MORC4: variants seen among roughly 807,000 people sequenced by gnomAD.
MORC4 encodes the protein MORC family CW-type zinc finger 4, also known as MORC family CW-type zinc finger protein 4.
A neutral mutation model predicts 65.5 loss-of-function variants in MORC4; 22 were observed. The ratio of observed to expected loss-of-function variants is 0.34; its 90% confidence interval spans 0.24 to 0.48. The LOEUF is 0.48. Ranked by LOEUF, MORC4 falls within the 20% of genes least tolerant of loss-of-function variation. The pLI, the probability that MORC4 is intolerant of heterozygous loss-of-function variation, is 0.99. For missense variants in MORC4, 624 were observed against 703.0 expected (o/e 0.89, Z 1.27); for synonymous variants, 267 against 255.8 (o/e 1.04, Z -0.42).
intron 5 of MORC4, among the ~76,000 whole-genome samples, chrX:106,983,213 C>T (rs11092578): frequency 0.17 from 19,237 of 111,121 alleles, 1,714 homozygotes; most frequent in Non-Finnish European, 0.25. Context: ...AACTGGGAAA[C>T]GACATACAAA....
In MORC4 at chrX:106,969,192, C is replaced by G. The variant is rs753377680; in HGVS notation, c.1158-7082G>C. On this transcript the variant is annotated intron_variant, in intron 9 of 16. Coordinates refer to ENST00000355610, the MANE Select transcript of MORC4 (RefSeq NM_024657.5). ...AATCCCACTCAAAATCACACAACTA[C>G]ATGGAAACTGAACAACCTGCTCCTG... Among the ~76,000 whole-genome samples the G allele has an allele frequency of 3.6e-5, 4 of 112,211 alleles. No homozygotes were observed. The South Asian group carries it at 1.5e-3, about 42-fold the overall frequency.
At chrX:106,978,978 G>A (rs1028389119) in intron 7 of MORC4, among the ~76,000 whole-genome samples, 3 of 111,462 alleles carry the variant, frequency 2.7e-5, no homozygotes, top group Admixed American at 9.5e-5. Flanking sequence ...GAATAATGAT[G>A]AGTTTTTAAC....
At chrX:106,981,259 T>C in intron 6 of MORC4, 86 bp downstream of exon 6, 2 of 1,011,664 alleles carry the variant, frequency 2.0e-6, no homozygotes, top group East Asian at 3.1e-5. Context: ...GTTATCTTTG[T>C]ATAACTAAAA....
At chrX:106,958,983 C>T (rs1297147636) in intron 10 of MORC4, among the ~76,000 whole-genome samples, 1 of 111,719 alleles carries the variant, frequency 9.0e-6, no homozygotes, top group Non-Finnish European at 1.9e-5. Context: ...ACATCTCCCT[C>T]ATTTCCCTAC....
intron 9 of MORC4, among the ~76,000 whole-genome samples, chrX:106,968,734 A>AAGGCCATT (rs984357702): frequency 1.8e-5 from 2 of 110,202 alleles, no homozygotes; most frequent in Non-Finnish European, 3.8e-5. Context: ...AGAGACAAAG[A>AAGGCCATT]AGGCCATTAC....
intron 9 of MORC4, among the ~76,000 whole-genome samples, chrX:106,965,560 C>G (rs1196110679): frequency 1.8e-5 from 2 of 111,567 alleles, no homozygotes; most frequent in Non-Finnish European, 3.8e-5. Context: ...AAGAATGTAG[C>G]GGATGCTACC....
intron 14 of MORC4, among the ~76,000 whole-genome samples, chrX:106,950,297 A>G (rs995988752): frequency 8.9e-6 from 1 of 111,951 alleles, no homozygotes; most frequent in African/African-American, 3.2e-5. Context: ...CTCCACCAAG[A>G]TCTCCATTAT....
In MORC4 at chrX:106,993,275, T is replaced by G. The variant is rs1288839901; in HGVS notation, c.263A>C (p.Asp88Ala). Reference protein sequence around the residue: ...VKNKSCLTFTDDGCGMTPHKL... With the variant: ...VKNKSCLTFTADGCGMTPHKL... The stretch of plus-strand genomic sequence containing the variant: ...ATGAGGTGTCATCCCACATCCATCA[T>G]CGGTAAAGGTCAAACAAGATTTATT... The change falls in exon 3 of 17, where the codon GAT becomes GCT. Residue 88 changes from aspartate (D) to alanine (A), a missense_variant. Transcript: ENST00000355610. The G allele has an allele frequency of 8.3e-7, 1 of 1,208,525 alleles. No homozygotes were observed. The highest frequency in any genetic ancestry group is 3.0e-5 in the East Asian group (1 of 33,781).
intron 9 of MORC4, among the ~76,000 whole-genome samples, 183 bp downstream of exon 9, chrX:106,976,401 A>G (rs1018522775): frequency 5.4e-5 from 6 of 112,028 alleles, no homozygotes; most frequent in African/African-American, 1.9e-4. Flanking sequence ...GAGACTCCAT[A>G]TATCATTCAG....
intron 9 of MORC4, among the ~76,000 whole-genome samples, chrX:106,965,365 AT>A (rs1008531739): frequency 8.9e-5 from 10 of 112,178 alleles, no homozygotes; most frequent in Non-Finnish European, 1.9e-4. Flanking sequence ...AGGAATTTAA[AT>A]GTTTCACTAT....
chrX:106,999,662 G>A lies in MORC4; in HGVS notation c.175+15C>T, dbSNP rs1301875160. 8.9e-7 allele frequency: 1 copy of A among 1,120,575 alleles called. No individual in the cohort carries two copies. Among genetic ancestry groups the A allele is most frequent in the Non-Finnish European group, 1.2e-6 (1 of 849,985 alleles). 92.3% of individuals were successfully genotyped at this position (1,120,575 alleles called of 1,213,427 possible). On this transcript the variant is annotated intron_variant, in intron 2 of 16. Coordinates refer to ENST00000355610, the MANE Select transcript of MORC4 (RefSeq NM_024657.5). ...GCCTCGGGCGAACACGGCCGGGCCCGCCCTCGCCACTCACCTAGCAGCTCC... is the reference window on the plus strand; with the variant it reads ...GCCTCGGGCGAACACGGCCGGGCCCACCCTCGCCACTCACCTAGCAGCTCC...
chrX:106,991,688 A>T (rs1454081924), intron 3 of MORC4, among the ~76,000 whole-genome samples: 1 of 111,927 alleles, frequency 8.9e-6, no homozygotes. Context: ...AGATCACTTG[A>T]GGTCAGGAGT....
At chrX:106,944,499 T>C (rs1438473140) in intron 14 of MORC4, among the ~76,000 whole-genome samples, 2 of 111,604 alleles carry the variant, frequency 1.8e-5, no homozygotes, top group African/African-American at 6.5e-5. Context: ...TTCTCTTCGT[T>C]TTCCCACCTC....
intron 5 of MORC4, among the ~76,000 whole-genome samples, chrX:106,983,947 C>T: frequency 9.0e-6 from 1 of 110,859 alleles, no homozygotes; most frequent in East Asian, 2.8e-4. Flanking sequence ...TTTTTTTTCT[C>T]ATACTTCATT....
At chrX:106,996,579 T>C (rs1055160006) in intron 2 of MORC4, among the ~76,000 whole-genome samples, 5 of 111,528 alleles carry the variant, frequency 4.5e-5, no homozygotes, top group African/African-American at 1.3e-4. Context: ...GCAAGTGCTA[T>C]TGGATCCCAG....
At chrX:106,991,763 G>C (rs1306991894) in intron 3 of MORC4, among the ~76,000 whole-genome samples, 1 of 110,924 alleles carries the variant, frequency 9.0e-6, no homozygotes, top group Non-Finnish European at 1.9e-5. Flanking sequence ...AAATTAGCCG[G>C]GCATGGTGGC....
intron 13 of MORC4, among the ~76,000 whole-genome samples, 196 bp downstream of exon 13, chrX:106,956,284 C>T (rs781368700): frequency 3.6e-5 from 4 of 112,313 alleles, no homozygotes; most frequent in Non-Finnish European, 5.6e-5. Flanking sequence ...AACGATTCGA[C>T]TCTTCTACTT....
Position 106,999,860 on chromosome X carries a change from G to A in MORC4, c.102+8C>T. ...GCGCGCGTCCGCCCCCTCGGGCCCC[G>A]GACCTACCGTGCTCAGGCGGATCCC... On this transcript the variant is annotated splice_region_variant and intron_variant, in intron 1 of 16. Coordinates refer to ENST00000355610, the MANE Select transcript of MORC4 (RefSeq NM_024657.5). The A allele has an allele frequency of 2.4e-6, 2 of 842,284 alleles. No homozygotes were observed. The highest frequency in any genetic ancestry group is 1.4e-4 in the East Asian group (2 of 13,900). The allele number at this position is 842,284 out of a possible 1,213,427, so 69.4% of individuals were successfully genotyped here. A position where few individuals can be genotyped will look rare whatever the true frequency, so the allele number is the denominator to read the frequency against.
chrX:106,985,572 G>A (rs757835445), intron 4 of MORC4, among the ~76,000 whole-genome samples: 2 of 111,252 alleles, frequency 1.8e-5, no homozygotes, highest in South Asian at 3.8e-4. Flanking sequence ...GTGTCTAACA[G>A]AAGTAACAGC....
Sources: gnomAD v4.1 joint callset for allele counts (sites outside exome capture counted in the v4.1 genomes callset) on GRCh38, gnomAD v4.1.1 for gene constraint, MANE v1.5 for transcripts, NCBI Gene and HGNC (gene_info 2026-07-23, HGNC 2026-07-21) for gene names.